The following TBX15 variants were observed in gnomAD, a reference collection of about 807,000 sequenced individuals.
TBX15 encodes the protein T-box transcription factor 15.
A neutral mutation model predicts 53.9 loss-of-function variants in TBX15; 18 were observed. That is an observed-to-expected ratio of 0.33 (90% CI 0.23 to 0.49). The LOEUF (loss-of-function observed/expected upper bound fraction) is 0.49. Among genes scored for constraint, TBX15 ranks in the 20% least tolerant of loss-of-function variants. The pLI is 0.98. For synonymous variants in TBX15, 295 were observed against 278.0 expected, an observed-to-expected ratio of 1.06 and a Z score of -0.61; for missense variants, 692 against 749.5, an observed-to-expected ratio of 0.92 and a Z score of 0.90.
intron 1 of TBX15, among the ~76,000 whole-genome samples, chr1:118,952,790 A>G (rs1364478974): frequency 6.6e-6 from 1 of 152,230 alleles, no homozygotes. Flanking sequence ...TTGGCCAAGA[A>G]ACTACACTAG....
chr1:118,908,537 C>CCA (rs571805136), intron 6 of TBX15, among the ~76,000 whole-genome samples: 1 of 152,018 alleles, frequency 6.6e-6, no homozygotes, highest in Non-Finnish European at 1.5e-5. Flanking sequence ...TGCCCCCATC[C>CCA]CACACACACA....
chr1:118,979,761 T>TCCGGGTCCCGGGTTTCCAGGGTC, intron 1 of TBX15, among the ~76,000 whole-genome samples: 1 of 152,324 alleles, frequency 6.6e-6, no homozygotes, highest in East Asian at 1.9e-4. Context: ...CCCTCAGGGT[T>TCCGGGTCCCGGGTTTCCAGGGTC]CCGGGTCCCG....
rs1203889587 is a variant in TBX15, at chr1:118,884,683, G to T, written c.*49C>A. 8 of 1,610,894 alleles carry T rather than the reference G, an allele frequency of 5.0e-6. No individual in the cohort carries two copies. The highest frequency in any genetic ancestry group is 6.8e-6 in the Non-Finnish European group (8 of 1,178,230). On this transcript the variant is annotated 3_prime_UTR_variant, in exon 8 of 8. Transcript: ENST00000369429. ...CCAAAGAGGAGGATCTGACCACGGAGACTCTGGGGCCTTGATTGCCAAATG... is the reference window on the plus strand; with the variant it reads ...CCAAAGAGGAGGATCTGACCACGGATACTCTGGGGCCTTGATTGCCAAATG...
chr1:118,922,690 G>A (rs571405648), intron 5 of TBX15, among the ~76,000 whole-genome samples: 2 of 152,282 alleles, frequency 1.3e-5, no homozygotes, highest in South Asian at 2.1e-4. Flanking sequence ...GTACTCATGT[G>A]CTAGAACACT....
intron 1 of TBX15, among the ~76,000 whole-genome samples, chr1:118,941,391 C>T (rs1656171400): frequency 6.6e-6 from 1 of 152,116 alleles, no homozygotes; most frequent in Non-Finnish European, 1.5e-5. Flanking sequence ...GGAGAGAGTG[C>T]CTCTGGAGGT....
At chr1:118,926,635 AG>A in intron 2 of TBX15, 24 bp from the exon 3 acceptor site, 1 of 1,601,650 alleles carries the variant, frequency 6.2e-7, no homozygotes, top group Non-Finnish European at 8.5e-7. Context: ...TAAAACAGAA[AG>A]CTCAGAAATC....
chr1:118,976,079 T>A (rs1436056529), intron 1 of TBX15, among the ~76,000 whole-genome samples: 1 of 152,110 alleles, frequency 6.6e-6, no homozygotes, highest in Admixed American at 6.6e-5. Context: ...ACAAAAATTT[T>A]AAAAAAGTAG....
At chr1:118,897,786 G>T (rs1654480278) in intron 7 of TBX15, among the ~76,000 whole-genome samples, 1 of 152,100 alleles carries the variant, frequency 6.6e-6, no homozygotes, top group Admixed American at 6.5e-5. Flanking sequence ...TATTGACTCT[G>T]CTTCTAATCA....
chr1:118,937,126 G>A (rs1189007448), intron 1 of TBX15, among the ~76,000 whole-genome samples: 1 of 152,128 alleles, frequency 6.6e-6, no homozygotes, highest in Admixed American at 6.6e-5. Context: ...TGAAATAGAA[G>A]TTTGAAACCA....
intron 7 of TBX15, among the ~76,000 whole-genome samples, chr1:118,893,149 G>T (rs919347976): frequency 1.3e-5 from 2 of 151,676 alleles, no homozygotes; most frequent in East Asian, 3.9e-4. Context: ...TGAGGCAGGA[G>T]AATTGTTTGA....
intron 1 of TBX15, among the ~76,000 whole-genome samples, chr1:118,954,823 C>T (rs1216112391): frequency 6.6e-6 from 1 of 152,198 alleles, no homozygotes; most frequent in East Asian, 1.9e-4. Context: ...AACTGATGCA[C>T]ACAGGCATCT....
intron 1 of TBX15, among the ~76,000 whole-genome samples, chr1:118,984,188 C>G (rs1289711710): frequency 6.6e-6 from 1 of 152,210 alleles, no homozygotes; most frequent in Non-Finnish European, 1.5e-5. Context: ...CGAGACCTGC[C>G]ACGTGTACAC....
At chr1:118,955,602 G>A (rs1254378877) in intron 1 of TBX15, among the ~76,000 whole-genome samples, 2 of 152,106 alleles carry the variant, frequency 1.3e-5, no homozygotes, top group Non-Finnish European at 2.9e-5. Context: ...GACATTTTCC[G>A]CTAGAGTCTA....
upstream of TBX15, among the ~76,000 whole-genome samples, chr1:118,988,697 T>C (rs1657927473): frequency 6.6e-6 from 1 of 152,212 alleles, no homozygotes; most frequent in African/African-American, 2.4e-5. Flanking sequence ...ATTTTGGGGC[T>C]CTGACAAAAT....
chr1:118,893,488 A>AGG lies in TBX15; in HGVS notation c.1024+5539_1024+5540insCC, dbSNP rs1191180639. ...AAGAAAGGAAGGAAGGAAGGAAGGA[A>AGG]AGAAAGAAAGAAAGAAAGAAAGAAA... On this transcript the variant is annotated intron_variant, in intron 7 of 7. Transcript: ENST00000369429. Among the ~76,000 whole-genome samples the AGG allele has an allele frequency of 3.4e-3, 290 of 85,968 alleles. 2 individuals are homozygous for AGG. The highest frequency in any genetic ancestry group is 4.6e-3 in the Non-Finnish European group (210 of 45,748). The allele number at this position is 85,968 out of a possible 152,430, so 56.4% of individuals were successfully genotyped here. A position where few individuals can be genotyped will look rare whatever the true frequency, so the allele number is the denominator to read the frequency against.
At chr1:118,911,939 G>A (rs766071979) in intron 6 of TBX15, among the ~76,000 whole-genome samples, 4 of 152,134 alleles carry the variant, frequency 2.6e-5, no homozygotes, top group African/African-American at 7.2e-5. Flanking sequence ...TCTGATTTAT[G>A]TTTCTTCTTT....
chr1:118,960,949 T>C (rs1297943104), intron 1 of TBX15, among the ~76,000 whole-genome samples: 1 of 152,172 alleles, frequency 6.6e-6, no homozygotes, highest in Non-Finnish European at 1.5e-5. Flanking sequence ...TCATCGACAC[T>C]GGGCGGCCAT....
intron 1 of TBX15, among the ~76,000 whole-genome samples, chr1:118,951,272 A>G (rs76400119): frequency 3.4e-3 from 512 of 152,348 alleles, no homozygotes; most frequent in African/African-American, 0.012. Flanking sequence ...TTACCTCCCA[A>G]TGTAGAAGAC....
intron 1 of TBX15, among the ~76,000 whole-genome samples, chr1:118,942,033 G>A (rs185889626): frequency 3.3e-5 from 5 of 152,290 alleles, no homozygotes; most frequent in Admixed American, 6.5e-5. Context: ...CCAGACATAC[G>A]AATGCTAATT....
Sources: allele counts gnomAD v4.1 joint callset (sites outside exome capture counted in the v4.1 genomes callset), GRCh38; gene constraint gnomAD v4.1.1; transcripts MANE v1.5; gene names NCBI Gene and HGNC (gene_info 2026-07-23, HGNC 2026-07-21).